The following MARCHF7 variants were observed in gnomAD, a reference collection of about 807,000 sequenced individuals.
MARCHF7 encodes E3 ubiquitin-protein ligase MARCHF7.
Under a neutral mutation model 76.5 loss-of-function variants are expected in MARCHF7, and 20 were observed. The ratio of observed to expected loss-of-function variants is 0.26; its 90% CI spans 0.18 to 0.38. The LOEUF (loss-of-function observed/expected upper bound fraction) is 0.38. Ranked by LOEUF, MARCHF7 falls within the 10% of genes least tolerant of loss-of-function variation. The probability of loss-of-function intolerance (pLI) is 1.00; values close to 1 mark genes in which losing one functional copy is unlikely to be tolerated. For synonymous variants in MARCHF7, 295 were observed against 293.0 expected, an observed-to-expected ratio of 1.01 and a Z score of -0.07; for missense variants, 797 against 812.9, an observed-to-expected ratio of 0.98 and a Z score of 0.24.
chr2:159,764,661 G>A lies in MARCHF7; in HGVS notation c.2043G>A (p.Met681Ile). 6.2e-7 allele frequency: 1 copy of A among 1,602,286 alleles called. No homozygotes were observed. Residue 681 changes from methionine (M) to isoleucine (I), a missense_variant, in exon 11 of 12, where the codon ATG becomes ATA. By Grantham distance (10) the Met-to-Ile change is conservative. Transcript: ENST00000409175. ...INLARTLQAH[M>I]EDLETSEDDS... is the part of the protein sequence containing the mutation. ...TTGCAAGAACTCTTCAGGCACATATGGAAGATCTCGAAAGTAGGTGGAATT... is the reference window on the plus strand; with the variant it reads ...TTGCAAGAACTCTTCAGGCACATATAGAAGATCTCGAAAGTAGGTGGAATT...
intron 3 of MARCHF7, among the ~76,000 whole-genome samples, chr2:159,718,317 G>GA (rs575324334): frequency 1.0e-3 from 153 of 151,818 alleles, no homozygotes; most frequent in African/African-American, 3.6e-3. Flanking sequence ...TTCTATTTTG[G>GA]AAAAAAATAG....
intron 4 of MARCHF7, among the ~76,000 whole-genome samples, chr2:159,740,378 A>T (rs1162076528): frequency 6.6e-6 from 1 of 152,244 alleles, no homozygotes; most frequent in Non-Finnish European, 1.5e-5. Flanking sequence ...TAAAGTGCTC[A>T]TTCTGAATTA....
chr2:159,730,670 G>T (rs970773303), intron 4 of MARCHF7, among the ~76,000 whole-genome samples: 1 of 152,090 alleles, frequency 6.6e-6, no homozygotes, highest in African/African-American at 2.4e-5. Flanking sequence ...TTTGCCTTCT[G>T]TAGAAATGTC....
chr2:159,743,798 C>G (rs765932636), intron 5 of MARCHF7, among the ~76,000 whole-genome samples: 1 of 151,112 alleles, frequency 6.6e-6, no homozygotes, highest in Non-Finnish European at 1.5e-5. Context: ...TCCCCAGCCA[C>G]TTGAGGGGCT....
At chr2:159,738,235 A>G (rs568595933) in intron 4 of MARCHF7, among the ~76,000 whole-genome samples, 24 of 152,152 alleles carry the variant, frequency 1.6e-4, no homozygotes, top group Non-Finnish European at 2.8e-4. Context: ...GTGGCACCCA[A>G]AAGCTTGGAG....
intron 3 of MARCHF7, among the ~76,000 whole-genome samples, chr2:159,720,129 G>A (rs182897276): frequency 0.011 from 1,720 of 152,154 alleles, 9 homozygotes; most frequent in Non-Finnish European, 0.018. Context: ...GGATTCAAGC[G>A]ATTCTCCTTC....
intron 4 of MARCHF7, chr2:159,733,026 C>T (rs1703004262): frequency 1.6e-6 from 1 of 641,800 alleles, no homozygotes; most frequent in Non-Finnish European, 1.9e-6. Context: ...TCAGGTGTTA[C>T]TAATTATAAT....
rs754562803 is a variant in MARCHF7, at chr2:159,752,439, T to A, written c.1651T>A (p.Leu551Ile). 1 of 1,603,436 alleles carries A rather than the reference T, an allele frequency of 6.2e-7. No individual in the cohort carries two copies. Among genetic ancestry groups the A allele is most frequent in the South Asian group, 1.1e-5 (1 of 88,872 alleles). The change falls in exon 8 of 12, where the codon TTA becomes ATA. Residue 551 changes from leucine (L) to isoleucine (I), a missense_variant. Around this residue, in one of 3 missense-constraint regions of MARCHF7, gnomAD observed 643 missense variants for 631.5 expected, o/e 1.02. Coordinates refer to ENST00000409175, the MANE Select transcript of MARCHF7 (RefSeq NM_001282805.2). ...LEDSEEEEGD[L>I]CRICQMAAAS... is the part of the protein sequence containing the mutation. ...GGACTCAGAAGAAGAAGAAGGTGAC[T>A]TATGTAGAATTTGTCAAATGGCAGC...
chr2:159,732,876 G>A, intron 4 of MARCHF7: 1 of 985,190 alleles, frequency 1.0e-6, no homozygotes, highest in South Asian at 4.7e-5. Flanking sequence ...TGGTGATAGT[G>A]ATAGCGGTTT....
chr2:159,737,469 C>T (rs1377954149), intron 4 of MARCHF7, among the ~76,000 whole-genome samples: 1 of 152,048 alleles, frequency 6.6e-6, no homozygotes, highest in African/African-American at 2.4e-5. Context: ...TACTTAACAC[C>T]CACTAGCATA....
At chr2:159,740,610 T>C (rs947782958) in intron 4 of MARCHF7, among the ~76,000 whole-genome samples, 2 of 152,212 alleles carry the variant, frequency 1.3e-5, no homozygotes, top group African/African-American at 2.4e-5. Flanking sequence ...TTCTAAAATA[T>C]CAAATTAATT....
At chr2:159,746,201 A>G (rs1264409929) in intron 6 of MARCHF7, among the ~76,000 whole-genome samples, 1 of 152,264 alleles carries the variant, frequency 6.6e-6, no homozygotes, top group Non-Finnish European at 1.5e-5. Flanking sequence ...GTTAGAAAGT[A>G]ACATACTAAA....
chr2:159,756,833 G>A (rs1284048134), intron 8 of MARCHF7, among the ~76,000 whole-genome samples: 1 of 151,932 alleles, frequency 6.6e-6, no homozygotes, highest in East Asian at 1.9e-4. Context: ...AAGAGTTATT[G>A]TTCATAGTTT....
chr2:159,764,756 G>A, intron 11 of MARCHF7, 82 bp downstream of exon 11: 2 of 1,023,786 alleles, frequency 2.0e-6, no homozygotes, highest in South Asian at 1.8e-5. Context: ...TATATACTCT[G>A]TTCTGCCAAA....
intron 4 of MARCHF7, among the ~76,000 whole-genome samples, chr2:159,734,875 A>G (rs1703269093): frequency 6.6e-6 from 1 of 151,318 alleles, no homozygotes; most frequent in Admixed American, 6.6e-5. Flanking sequence ...CCAGCTACTC[A>G]GGAGGCTGAG....
chr2:159,762,718 GATAT>G (rs1264415267), intron 9 of MARCHF7, among the ~76,000 whole-genome samples, 158 bp from the exon 10 acceptor site: 13 of 152,252 alleles, frequency 8.5e-5, no homozygotes, highest in Middle Eastern at 3.4e-3. Context: ...AAATTATAAA[GATAT>G]TCTTTTTTTC....
chr2:159,718,982 TC>T (rs899833079), intron 3 of MARCHF7, among the ~76,000 whole-genome samples: 3 of 152,132 alleles, frequency 2.0e-5, no homozygotes, highest in Non-Finnish European at 2.9e-5. Flanking sequence ...TCTGGGCACT[TC>T]TAATTGCTTA....
chr2:159,757,752 A>G (rs1374710310), intron 8 of MARCHF7, among the ~76,000 whole-genome samples: 1 of 152,250 alleles, frequency 6.6e-6, no homozygotes, highest in Non-Finnish European at 1.5e-5. Flanking sequence ...GCCCTAAGAT[A>G]TAAGAGAATC....
chr2:159,755,193 G>A (rs900822499), intron 8 of MARCHF7, among the ~76,000 whole-genome samples: 14 of 152,156 alleles, frequency 9.2e-5, no homozygotes, highest in Non-Finnish European at 1.6e-4. Flanking sequence ...TGACATTGAC[G>A]TAAGTAGGCT....
Sources: allele counts gnomAD v4.1 joint callset (sites outside exome capture counted in the v4.1 genomes callset), GRCh38; gene constraint gnomAD v4.1.1; regional missense constraint gnomAD v4.1.1; transcripts MANE v1.5; gene names NCBI Gene and HGNC (gene_info 2026-07-23, HGNC 2026-07-21).